Variants in COTL1 observed in about 807,000 individuals in gnomAD.
COTL1 encodes the protein coactosin-like protein.
In COTL1, 15 loss-of-function variants were observed where a neutral mutation model predicts 16.5. That is an observed-to-expected ratio of 0.91 (90% CI 0.61 to 1.40). COTL1 has a LOEUF of 1.40. Among genes scored for constraint, COTL1 ranks in the 40% most tolerant of loss-of-function variants. The pLI is 0.00. For synonymous variants in COTL1, 112 were observed against 85.3 expected, an observed-to-expected ratio of 1.31 and a Z score of -1.73; for missense variants, 220 against 201.5, an observed-to-expected ratio of 1.09 and a Z score of -0.56.
At chr16:84,594,382 A>G (rs1904945935) in intron 2 of COTL1, 2 of 152,304 alleles carry the variant, frequency 1.3e-5, no homozygotes, top group African/African-American at 4.8e-5. Context: ...GCAGTTCCTC[A>G]CTTGTAAGGT....
At chr16:84,573,768 T>TACACAC (rs3086225) in intron 3 of COTL1, among the ~76,000 whole-genome samples, 31 of 146,204 alleles carry the variant, frequency 2.1e-4, no homozygotes, top group South Asian at 4.3e-4. Flanking sequence ...TATATATACA[T>TACACAC]ACACACACAC....
chr16:84,615,423 T>C (rs939747734), intron 2 of COTL1, among the ~76,000 whole-genome samples: 1 of 152,216 alleles, frequency 6.6e-6, no homozygotes, highest in Non-Finnish European at 1.5e-5. Context: ...TGGGAGCACC[T>C]GCCAGGAGCC....
Position 84,590,133 on chromosome 16 carries a change from T to C in COTL1, c.290A>G (p.Asp97Gly). 6.2e-7 allele frequency: 1 copy of C among 1,614,064 alleles called. No individual in the cohort carries two copies. The highest frequency in any genetic ancestry group is 8.5e-7 in the Non-Finnish European group (1 of 1,179,928). Reference protein sequence around the residue: ...SGLQRAKTGTDKTLVKEVVQN... With the variant: ...SGLQRAKTGTGKTLVKEVVQN... ...TACGACCTCCTTCACCAGGGTCTTG[T>C]CCGTCCCGGTTTTGGCGCGCTGCAG... Residue 97 changes from aspartate (D) to glycine (G), a missense_variant, in exon 3 of 4, where the codon GAC (aspartate) becomes GGC (glycine). By Grantham distance (94) the Asp-to-Gly change is moderately conservative. Transcript: ENST00000262428. The surrounding 1 kb of genome is among the most constrained non-coding windows in gnomAD (Gnocchi z 5.5).
intron 3 of COTL1, among the ~76,000 whole-genome samples, chr16:84,581,779 A>G (rs1010411674): frequency 6.6e-6 from 1 of 152,140 alleles, no homozygotes; most frequent in Non-Finnish European, 1.5e-5. Context: ...TGCTAGGATT[A>G]CAGGCATGAG....
intron 2 of COTL1, among the ~76,000 whole-genome samples, chr16:84,605,150 T>C (rs907353400): frequency 4.6e-5 from 7 of 152,246 alleles, no homozygotes; most frequent in African/African-American, 1.7e-4. Flanking sequence ...GGCCTGGGCC[T>C]GGGCCTTAGG....
chr16:84,591,629 C>A, intron 2 of COTL1, among the ~76,000 whole-genome samples: 1 of 98,478 alleles, frequency 1.0e-5, no homozygotes. Flanking sequence ...GAGAAATCAC[C>A]TCTCTAAAAA....
intron 3 of COTL1, chr16:84,575,188 C>T (rs1266942615): frequency 6.6e-6 from 1 of 151,810 alleles, no homozygotes; most frequent in Non-Finnish European, 1.5e-5. Context: ...CAGGCGCCCA[C>T]CATCACACCT....
At chr16:84,612,516 C>G (rs979734072) in intron 2 of COTL1, among the ~76,000 whole-genome samples, 1 of 152,178 alleles carries the variant, frequency 6.6e-6, no homozygotes, top group African/African-American at 2.4e-5. Context: ...GGCGCGGTGG[C>G]TCACGCCTGT....
At chr16:84,597,445 C>G (rs1905028080) in intron 2 of COTL1, among the ~76,000 whole-genome samples, 1 of 152,198 alleles carries the variant, frequency 6.6e-6, no homozygotes, top group Non-Finnish European at 1.5e-5. Context: ...CAGCAGTTCT[C>G]AAAGTGTGGT....
At chr16:84,568,835 G>A (rs531344441) in intron 3 of COTL1, 1 of 152,164 alleles carries the variant, frequency 6.6e-6, no homozygotes, top group Non-Finnish European at 1.5e-5. Flanking sequence ...CCATTTTAAA[G>A]GTGAGGAAAC....
At chr16:84,578,922 C>T in intron 3 of COTL1, among the ~76,000 whole-genome samples, 1 of 118,550 alleles carries the variant, frequency 8.4e-6, no homozygotes, top group South Asian at 2.1e-4. Flanking sequence ...CATGCATACA[C>T]ACAGATACAT....
At chr16:84,588,304 A>G (rs916679276) in intron 3 of COTL1, among the ~76,000 whole-genome samples, 2 of 152,170 alleles carry the variant, frequency 1.3e-5, no homozygotes, top group Non-Finnish European at 2.9e-5. Flanking sequence ...CCGAGTTTCC[A>G]TATTACCTTC....
intron 2 of COTL1, among the ~76,000 whole-genome samples, chr16:84,599,911 G>A (rs749719499): frequency 9.9e-5 from 15 of 152,194 alleles, no homozygotes; most frequent in South Asian, 6.2e-4. Context: ...CCATGGCAGC[G>A]GCTGGCTTCT....
intron 3 of COTL1, chr16:84,567,442 A>C (rs1597164415): frequency 6.5e-6 from 1 of 152,896 alleles, no homozygotes; most frequent in African/African-American, 2.4e-5. Context: ...ATAGTCCCCC[A>C]GTGGCTGACG....
chr16:84,614,657 T>C (rs1905425260), intron 2 of COTL1, among the ~76,000 whole-genome samples: 1 of 152,114 alleles, frequency 6.6e-6, no homozygotes, highest in African/African-American at 2.4e-5. Context: ...GTGCTGTTTC[T>C]GGCCTTCCAA....
intron 2 of COTL1, among the ~76,000 whole-genome samples, chr16:84,592,649 T>A (rs912590345): frequency 3.3e-5 from 5 of 150,144 alleles, no homozygotes; most frequent in African/African-American, 1.2e-4. Flanking sequence ...TCTAAGTACG[T>A]CCCTGCAGAG....
At chr16:84,609,215 T>A (rs1019120433) in intron 2 of COTL1, among the ~76,000 whole-genome samples, 2 of 152,216 alleles carry the variant, frequency 1.3e-5, no homozygotes, top group African/African-American at 4.8e-5. Flanking sequence ...TATTGCCATA[T>A]ACGCAGAGGT....
At chr16:84,615,193 G>A (rs138826731) in intron 2 of COTL1, among the ~76,000 whole-genome samples, 17 of 152,252 alleles carry the variant, frequency 1.1e-4, no homozygotes, top group Non-Finnish European at 2.2e-4. Flanking sequence ...CTATGCATTT[G>A]TCCAACAGAT....
At chr16:84,569,034 G>A (rs1437200320) in intron 3 of COTL1, 4 of 152,232 alleles carry the variant, frequency 2.6e-5, no homozygotes, top group South Asian at 2.1e-4. Context: ...ACTTTAAAAT[G>A]GTTCAGGCCA....
Sources: allele counts gnomAD v4.1 joint callset (sites outside exome capture counted in the v4.1 genomes callset), GRCh38; gene constraint gnomAD v4.1.1; non-coding constraint Gnocchi (gnomAD v3.1); transcripts MANE v1.5; gene names NCBI Gene and HGNC (gene_info 2026-07-23, HGNC 2026-07-21).